The following UGT2A1 variants were observed in gnomAD, a reference collection of about 807,000 sequenced individuals.
The protein encoded by UGT2A1 is UDP-glucuronosyltransferase 2A1.
In UGT2A1, 61 loss-of-function variants were observed where a neutral mutation model predicts 45.4. The observed-to-expected ratio is 1.34, with a 90% CI of 1.09 to 1.66. The LOEUF is 1.66. UGT2A1 is among the 40% of genes most tolerant of loss of function. The pLI is 0.00. For synonymous variants in UGT2A1, 229 were observed against 196.2 expected (o/e 1.17, Z -1.40); for missense variants, 649 against 574.3 (o/e 1.13, Z -1.33).
intron 3 of UGT2A1, among the ~76,000 whole-genome samples, chr4:69,625,666 C>T (rs772020775): frequency 6.6e-6 from 1 of 150,900 alleles, no homozygotes; most frequent in Non-Finnish European, 1.5e-5. Context: ...TTTGGCCATA[C>T]CCTATTTTTG....
At chr4:69,636,711 G>A (rs988276998) in intron 2 of UGT2A1, among the ~76,000 whole-genome samples, 2 of 152,064 alleles carry the variant, frequency 1.3e-5, no homozygotes, top group African/African-American at 4.8e-5. Flanking sequence ...TATAAAAAGG[G>A]TTTTATCATT....
Position 69,614,049 on chromosome 4 carries a change from C to T in UGT2A1, c.848-14655G>A, listed in dbSNP as rs138528582. On this transcript the variant is annotated intron_variant, in intron 3 of 6. Transcript: ENST00000286604. ...AAATAAAGTCAATTATTCTTATTTA[C>T]AAAAAATATGATCTTGTATCTAGAA... is the stretch of plus-strand genomic sequence containing the variant. Among the ~76,000 whole-genome samples, 46 of 151,922 alleles carry T rather than the reference C, an allele frequency of 3.0e-4. No individual in the cohort carries two copies. The East Asian group carries it at 8.9e-3, about 29-fold the overall frequency.
intron 3 of UGT2A1, among the ~76,000 whole-genome samples, chr4:69,611,896 A>T (rs1390525213): frequency 6.6e-6 from 1 of 152,144 alleles, no homozygotes; most frequent in Non-Finnish European, 1.5e-5. Flanking sequence ...ACATAAGTTC[A>T]ACTCCCCAAA....
intron 3 of UGT2A1, among the ~76,000 whole-genome samples, chr4:69,633,968 G>A (rs1195707150): frequency 6.6e-6 from 1 of 151,616 alleles, no homozygotes; most frequent in Non-Finnish European, 1.5e-5. Context: ...AAACCCGGCC[G>A]CGCGCGGTGG....
chr4:69,593,924 T>C (rs965986556), intron 6 of UGT2A1, among the ~76,000 whole-genome samples: 5 of 151,418 alleles, frequency 3.3e-5, no homozygotes, highest in African/African-American at 1.2e-4. Flanking sequence ...TATATAATCA[T>C]AGCATTCTTT....
intron 2 of UGT2A1, among the ~76,000 whole-genome samples, chr4:69,642,531 A>G (rs771244064): frequency 3.0e-4 from 45 of 151,824 alleles, no homozygotes; most frequent in Non-Finnish European, 4.6e-4. Flanking sequence ...TAAAATTACT[A>G]CTGAAAATCA....
intron 3 of UGT2A1, among the ~76,000 whole-genome samples, chr4:69,613,569 C>T (rs1482897385): frequency 6.6e-6 from 1 of 151,892 alleles, no homozygotes; most frequent in Non-Finnish European, 1.5e-5. Flanking sequence ...TAGACACAAA[C>T]ATCTTAACAA....
chr4:69,595,419 G>C (rs1222221649), intron 4 of UGT2A1, among the ~76,000 whole-genome samples, 170 bp from the exon 5 acceptor site: 1 of 152,152 alleles, frequency 6.6e-6, no homozygotes, highest in Non-Finnish European at 1.5e-5. Context: ...GTACCTTTTT[G>C]TAAAGTCTTG....
chr4:69,593,989 T>TTTTTTA (rs1718752466), intron 6 of UGT2A1, among the ~76,000 whole-genome samples: 1 of 150,096 alleles, frequency 6.7e-6, no homozygotes. Context: ...TTGTTTTTTT[T>TTTTTTA]TTTGAGACTG....
intron 3 of UGT2A1, among the ~76,000 whole-genome samples, chr4:69,613,849 C>T (rs920148139): frequency 6.6e-6 from 1 of 151,706 alleles, no homozygotes; most frequent in Admixed American, 6.6e-5. Context: ...AGCCATAAAC[C>T]GCAAACCTAC....
At position 69,619,513 on chromosome 4, in the gene UGT2A1, A is replaced by T. The variant is rs190912403; in HGVS notation, c.847+16178T>A. Among the ~76,000 whole-genome samples the T allele has an allele frequency of 5.3e-5, 8 of 152,140 alleles. No individual in the cohort carries two copies. In the East Asian group the frequency reaches 1.6e-3, roughly 30 times the overall value. ...ATACAAACAAAAGTGAAATTTTAAA[A>T]TAACGTTAAAGAAGACTCTAAAAAT... On this transcript the variant is annotated intron_variant, in intron 3 of 6. Coordinates refer to ENST00000286604, the MANE Select transcript of UGT2A1 (RefSeq NM_001252275.3).
rs543997228 is a variant in UGT2A1, at chr4:69,588,452, T to C, written c.*920A>G. 87 of 152,246 alleles carry C rather than the reference T, an allele frequency of 5.7e-4. No homozygotes were observed. Among genetic ancestry groups the C allele is most frequent in the African/African-American group, 2.0e-3 (83 of 41,582 alleles). The allele number at this position is 152,246 out of a possible 1,614,324, so 9.4% of individuals were successfully genotyped here. A position where few individuals can be genotyped will look rare whatever the true frequency, so the allele number is the denominator to read the frequency against. On this transcript the variant is annotated 3_prime_UTR_variant, in exon 7 of 7. Coordinates refer to ENST00000286604, the MANE Select transcript of UGT2A1 (RefSeq NM_001252275.3). ...AGTAAGCATTTTTTATTTTTTGGCA[T>C]AAAATTAAACTTTTGATTACAAATA... is the stretch of plus-strand genomic sequence containing the variant.
At chr4:69,592,864 A>G (rs567571562) in intron 6 of UGT2A1, among the ~76,000 whole-genome samples, 1 of 152,220 alleles carries the variant, frequency 6.6e-6, no homozygotes, top group Non-Finnish European at 1.5e-5. Context: ...TTAGATTAAC[A>G]TTGTTGTAAA....
At chr4:69,614,368 C>T (rs546980411) in intron 3 of UGT2A1, among the ~76,000 whole-genome samples, 5 of 151,904 alleles carry the variant, frequency 3.3e-5, no homozygotes, top group Non-Finnish European at 5.9e-5. Flanking sequence ...ATAGAGGAAT[C>T]GAAAGCATTA....
At chr4:69,617,122 G>A (rs1016489987) in intron 3 of UGT2A1, among the ~76,000 whole-genome samples, 3 of 151,838 alleles carry the variant, frequency 2.0e-5, no homozygotes, top group Non-Finnish European at 4.4e-5. Context: ...CAGAACTATT[G>A]TTAGTATTCA....
intron 2 of UGT2A1, among the ~76,000 whole-genome samples, chr4:69,640,897 C>T (rs185146769): frequency 6.6e-6 from 1 of 151,768 alleles, no homozygotes; most frequent in African/African-American, 2.4e-5. Context: ...TAATGGTCTT[C>T]AAAATAAGCC....
intron 3 of UGT2A1, among the ~76,000 whole-genome samples, chr4:69,608,384 C>T (rs1040666159): frequency 5.1e-5 from 7 of 137,916 alleles, no homozygotes; most frequent in African/African-American, 1.6e-4. Flanking sequence ...AACATATGGA[C>T]ACAGGAAGGG....
Position 69,606,354 on chromosome 4 carries a change from C to T in UGT2A1, c.848-6960G>A, listed in dbSNP as rs1719611128. 2.9e-5 allele frequency among the ~76,000 whole-genome samples: 4 copies of T among 136,204 alleles called. 1 individual carries two copies. In the South Asian group the frequency reaches 9.7e-4, roughly 33 times the overall value. 89.4% of individuals were successfully genotyped at this position (136,204 alleles called of 152,430 possible). ...ATTATCTCAATAGATGCAGAAAAGG[C>T]CTTGAAAAAATTCAACAACGCTTCA... On this transcript the variant is annotated intron_variant, in intron 3 of 6. Transcript: ENST00000286604.
At chr4:69,622,271 G>A in intron 3 of UGT2A1, among the ~76,000 whole-genome samples, 1 of 151,696 alleles carries the variant, frequency 6.6e-6, no homozygotes, top group South Asian at 2.1e-4. Context: ...ACATAACAAA[G>A]TAATAATATA....
Sources: allele counts gnomAD v4.1 joint callset (sites outside exome capture counted in the v4.1 genomes callset), GRCh38; gene constraint gnomAD v4.1.1; transcripts MANE v1.5; gene names NCBI Gene and HGNC (gene_info 2026-07-23, HGNC 2026-07-21).